EPHA3: variants seen among roughly 807,000 people sequenced by gnomAD.
EPHA3 encodes the protein ephrin type-A receptor 3.
EPHA3 carries 42 observed loss-of-function variants against 107.1 expected under a neutral mutation model. That is an observed-to-expected ratio of 0.39 (90% confidence interval 0.31 to 0.51). EPHA3 has a LOEUF of 0.51. Among genes scored for constraint, EPHA3 ranks in the 20% least tolerant of loss-of-function variants. EPHA3 has a pLI of 0.78. For synonymous variants in EPHA3, 461 were observed against 424.8 expected (o/e 1.09, Z -1.05); for missense variants, 1,183 against 1,211.2 (o/e 0.98, Z 0.35).
chr3:89,148,069 A>G (rs1250643957), intron 2 of EPHA3, among the ~76,000 whole-genome samples: 1 of 151,970 alleles, frequency 6.6e-6, no homozygotes, highest in Non-Finnish European at 1.5e-5. Context: ...ATGTACAAAG[A>G]TTTTTAGGGA....
At chr3:89,351,683 A>G (rs1707823873) in intron 5 of EPHA3, among the ~76,000 whole-genome samples, 1 of 151,136 alleles carries the variant, frequency 6.6e-6, no homozygotes, top group South Asian at 2.1e-4. Flanking sequence ...AAAAACAATA[A>G]TGCTTTTACA....
intron 13 of EPHA3, among the ~76,000 whole-genome samples, chr3:89,433,744 G>T (rs1028820768): frequency 8.6e-5 from 13 of 151,764 alleles, no homozygotes; most frequent in African/African-American, 3.1e-4. Flanking sequence ...GTAGCTAGTT[G>T]AATTAAATTT....
chr3:89,473,051 G>T (rs1290283633), intron 16 of EPHA3, among the ~76,000 whole-genome samples: 5 of 152,126 alleles, frequency 3.3e-5, no homozygotes, highest in Admixed American at 3.3e-4. Context: ...AGATAATGTG[G>T]TATACAAGGA....
At chr3:89,279,077 C>A (rs1479620415) in intron 3 of EPHA3, among the ~76,000 whole-genome samples, 2 of 152,010 alleles carry the variant, frequency 1.3e-5, no homozygotes, top group Non-Finnish European at 2.9e-5. Flanking sequence ...CATTTAAATT[C>A]TAAGAGTAGT....
chr3:89,444,374 A>T, intron 13 of EPHA3, among the ~76,000 whole-genome samples: 1 of 15,312 alleles, frequency 6.5e-5, no homozygotes, highest in East Asian at 2.3e-3. Flanking sequence ...TTTCACCTGT[A>T]GTTTGATTTT....
chr3:89,449,071 T>C (rs1364262872), intron 13 of EPHA3, among the ~76,000 whole-genome samples, 154 bp from the exon 14 acceptor site: 1 of 151,642 alleles, frequency 6.6e-6, no homozygotes, highest in Non-Finnish European at 1.5e-5. Flanking sequence ...TGCTTGGTAT[T>C]GAAATAGAAT....
chr3:89,149,369 C>T (rs1300114949), intron 2 of EPHA3, among the ~76,000 whole-genome samples: 3 of 151,902 alleles, frequency 2.0e-5, no homozygotes, highest in Admixed American at 6.6e-5. Context: ...AATAGAAAAC[C>T]ATTGAAATAA....
intron 3 of EPHA3, among the ~76,000 whole-genome samples, chr3:89,236,066 T>A (rs924995555): frequency 2.6e-5 from 4 of 152,070 alleles, no homozygotes; most frequent in African/African-American, 9.7e-5. Context: ...TGTGAATATA[T>A]ACATTTGTTT....
intron 2 of EPHA3, among the ~76,000 whole-genome samples, chr3:89,205,467 A>G (rs1296987012): frequency 6.6e-6 from 1 of 152,078 alleles, no homozygotes; most frequent in Non-Finnish European, 1.5e-5. Flanking sequence ...TGGTGTGGTT[A>G]TTTTCAGAAT....
intron 3 of EPHA3, among the ~76,000 whole-genome samples, chr3:89,298,248 AC>A (rs1254943053): frequency 2.0e-5 from 3 of 152,048 alleles, no homozygotes; most frequent in African/African-American, 7.2e-5. Context: ...CTGAAGGGGA[AC>A]TTTTGCAAAT....
intron 2 of EPHA3, among the ~76,000 whole-genome samples, chr3:89,201,583 T>A (rs1324339360): frequency 3.3e-5 from 5 of 152,212 alleles, no homozygotes; most frequent in African/African-American, 1.2e-4. Context: ...TTCCTAGATG[T>A]AACCCACTAC....
intron 5 of EPHA3, among the ~76,000 whole-genome samples, chr3:89,370,567 T>C (rs1460051416): frequency 2.0e-5 from 3 of 151,402 alleles, no homozygotes; most frequent in Non-Finnish European, 4.4e-5. Context: ...AAATGACGAG[T>C]TGATTGGTGC....
chr3:89,202,878 G>A (rs1053547792), intron 2 of EPHA3, among the ~76,000 whole-genome samples: 1 of 152,128 alleles, frequency 6.6e-6, no homozygotes, highest in African/African-American at 2.4e-5. Context: ...ACCACCAGAT[G>A]TGAAATAGAA....
At chr3:89,179,256 G>A (rs1705384412) in intron 2 of EPHA3, among the ~76,000 whole-genome samples, 1 of 151,924 alleles carries the variant, frequency 6.6e-6, no homozygotes, top group Non-Finnish European at 1.5e-5. Flanking sequence ...TTTTCCTACT[G>A]TTATACTGAT....
chr3:89,180,824 T>G (rs1475971226), intron 2 of EPHA3, among the ~76,000 whole-genome samples: 2 of 151,994 alleles, frequency 1.3e-5, no homozygotes, highest in Admixed American at 6.6e-5. Context: ...GTAAGTGAAG[T>G]GCATATGGGA....
At chr3:89,172,167 G>A (rs1705226415) in intron 2 of EPHA3, among the ~76,000 whole-genome samples, 1 of 152,150 alleles carries the variant, frequency 6.6e-6, no homozygotes, top group Non-Finnish European at 1.5e-5. Flanking sequence ...TGACAGCAAG[G>A]ATGGGCTTTT....
chr3:89,142,806 G>C (rs1207909759), intron 2 of EPHA3, among the ~76,000 whole-genome samples: 2 of 151,362 alleles, frequency 1.3e-5, no homozygotes, highest in Non-Finnish European at 3.0e-5. Context: ...ATTTAGACCA[G>C]TGAGCCATCA....
Position 89,455,282 on chromosome 3 carries a change from C to A in EPHA3, c.2690+4912C>A, listed in dbSNP as rs149216587. On this transcript the variant is annotated intron_variant, in intron 15 of 16. Coordinates refer to ENST00000336596, the MANE Select transcript of EPHA3 (RefSeq NM_005233.6). ...CTGAGGAGCTGATGTTTGAGACCTG[C>A]AGGAAGGGAATGAGCCAGCTGTGTA... Among the ~76,000 whole-genome samples, 4 of 152,164 alleles carry A rather than the reference C, an allele frequency of 2.6e-5. No individual in the cohort carries two copies. The East Asian group carries it at 7.8e-4, about 30-fold the overall frequency.
chr3:89,265,839 C>T (rs775987191), intron 3 of EPHA3, among the ~76,000 whole-genome samples: 34 of 152,046 alleles, frequency 2.2e-4, no homozygotes, highest in Non-Finnish European at 4.0e-4. Context: ...TTTTTGTACC[C>T]TCTTCCTCCA....
Sources: allele counts gnomAD v4.1 joint callset (sites outside exome capture counted in the v4.1 genomes callset), GRCh38; gene constraint gnomAD v4.1.1; transcripts MANE v1.5; gene names NCBI Gene and HGNC (gene_info 2026-07-23, HGNC 2026-07-21).